The following WWOX variants were observed in gnomAD, a reference collection of about 807,000 sequenced individuals.
The protein encoded by WWOX is WW domain-containing oxidoreductase.
In WWOX, 69 loss-of-function variants were observed where a neutral mutation model predicts 46.2. The ratio of observed to expected loss-of-function variants is 1.49; its 90% CI spans 1.23 to 1.82. The LOEUF (loss-of-function observed/expected upper bound fraction) is 1.82, where lower values mean the gene tolerates loss of function less well. Ranked by LOEUF, WWOX falls within the 40% of genes most tolerant of loss-of-function variation. The pLI, the probability that WWOX is intolerant of heterozygous loss-of-function variation, is 0.00. For synonymous variants in WWOX, 359 were observed against 202.6 expected (o/e 1.77, Z -6.56); for missense variants, 919 against 542.6 (o/e 1.69, Z -6.89).
intron 8 of WWOX, among the ~76,000 whole-genome samples, chr16:79,139,031 T>G (rs897235008): frequency 6.6e-6 from 1 of 152,122 alleles, no homozygotes; most frequent in Non-Finnish European, 1.5e-5. Context: ...TTACAGAAAC[T>G]GCCCTGAACG....
intron 5 of WWOX, among the ~76,000 whole-genome samples, chr16:78,324,762 GTGA>G (rs1434498156): frequency 2.1e-5 from 3 of 140,476 alleles, no homozygotes; most frequent in Non-Finnish European, 4.6e-5. Flanking sequence ...AAATAGATGA[GTGA>G]TGACTCAGGG....
chr16:78,144,462 T>TATATATAC (rs1555543063), intron 4 of WWOX, among the ~76,000 whole-genome samples: 5 of 23,624 alleles, frequency 2.1e-4, no homozygotes, highest in Non-Finnish European at 1.5e-4. Context: ...TATATATATA[T>TATATATAC]ACACACATAT....
intron 8 of WWOX, among the ~76,000 whole-genome samples, chr16:79,152,401 G>A (rs1033029462): frequency 7.2e-5 from 11 of 152,138 alleles, no homozygotes; most frequent in African/African-American, 2.4e-4. Context: ...GCCGGGCGCA[G>A]TGTCTCATGC....
chr16:78,969,454 A>G (rs1332843670), intron 8 of WWOX, among the ~76,000 whole-genome samples: 1 of 152,004 alleles, frequency 6.6e-6, no homozygotes, highest in Non-Finnish European at 1.5e-5. Flanking sequence ...TATTTCTAGT[A>G]CAGACAGGGT....
At chr16:78,409,099 C>T (rs1336116198) in intron 6 of WWOX, among the ~76,000 whole-genome samples, 2 of 152,118 alleles carry the variant, frequency 1.3e-5, no homozygotes, top group Non-Finnish European at 2.9e-5. Flanking sequence ...TTGCTAAAGT[C>T]CCACTGGGTG....
chr16:78,774,496 T>TTGTGTGTGTGTGTG (rs58003207), intron 8 of WWOX, among the ~76,000 whole-genome samples: 1 of 149,522 alleles, frequency 6.7e-6, no homozygotes, highest in African/African-American at 2.5e-5. Flanking sequence ...CAGACCCATT[T>TTGTGTGTGTGTGTG]TGTGTGTGTG....
intron 5 of WWOX, among the ~76,000 whole-genome samples, chr16:78,184,627 C>T (rs1356303870): frequency 6.6e-6 from 1 of 151,894 alleles, no homozygotes; most frequent in Non-Finnish European, 1.5e-5. Flanking sequence ...TGAGAGAAGG[C>T]AAAGACAAAT....
intron 8 of WWOX, chr16:78,899,485 C>G (rs1339985507): frequency 1.3e-5 from 2 of 152,120 alleles, no homozygotes; most frequent in Non-Finnish European, 1.5e-5. Flanking sequence ...ATGACTGATA[C>G]ACAGTGAGTT....
chr16:79,024,460 G>C (rs1423557237), intron 8 of WWOX, among the ~76,000 whole-genome samples: 3 of 151,974 alleles, frequency 2.0e-5, no homozygotes, highest in African/African-American at 7.3e-5. Context: ...TTGAGACGGA[G>C]TTTTGCTCTG....
chr16:78,173,750 G>A (rs1325440669), intron 5 of WWOX, among the ~76,000 whole-genome samples: 1 of 152,114 alleles, frequency 6.6e-6, no homozygotes, highest in Non-Finnish European at 1.5e-5. Flanking sequence ...AATCTTGTTG[G>A]AGCAATATTT....
intron 8 of WWOX, among the ~76,000 whole-genome samples, chr16:78,722,019 A>T (rs1048755759): frequency 6.6e-6 from 1 of 152,132 alleles, no homozygotes; most frequent in African/African-American, 2.4e-5. Flanking sequence ...TTTTTTCTAG[A>T]AGGTGGTATT....
chr16:78,655,748 T>C (rs2047066256), intron 8 of WWOX, among the ~76,000 whole-genome samples: 1 of 152,324 alleles, frequency 6.6e-6, no homozygotes, highest in South Asian at 2.1e-4. Context: ...TTTTCTGATA[T>C]GTTCTTCTGT....
intron 5 of WWOX, among the ~76,000 whole-genome samples, chr16:78,170,773 A>G (rs892545192): frequency 6.6e-6 from 1 of 152,242 alleles, no homozygotes; most frequent in African/African-American, 2.4e-5. Context: ...TGATTAAGGG[A>G]TTAGTCATCA....
chr16:78,169,804 G>C (rs1052879078), intron 5 of WWOX, among the ~76,000 whole-genome samples: 1 of 152,196 alleles, frequency 6.6e-6, no homozygotes, highest in Non-Finnish European at 1.5e-5. Context: ...AGGGGCGGTG[G>C]ATTGAGAGAG....
At chr16:78,745,522 CTTTTTTTTTTTT>C (rs5818168) in intron 8 of WWOX, among the ~76,000 whole-genome samples, 113 of 92,748 alleles carry the variant, frequency 1.2e-3, no homozygotes, top group Middle Eastern at 8.8e-3. Context: ...TGTGGAAATC[CTTTTTTTTTTTT>C]TTTTTTTTTT....
At chr16:78,637,378 T>C (rs531030681) in intron 8 of WWOX, among the ~76,000 whole-genome samples, 1 of 151,928 alleles carries the variant, frequency 6.6e-6, no homozygotes, top group African/African-American at 2.4e-5. Context: ...GAGGCAGAGG[T>C]TGCAGTGAGC....
chr16:78,366,055 C>A (rs1322524266), intron 5 of WWOX, among the ~76,000 whole-genome samples: 1 of 152,028 alleles, frequency 6.6e-6, no homozygotes, highest in Non-Finnish European at 1.5e-5. Flanking sequence ...ATCTTTCGGC[C>A]CATTGGAAAA....
chr16:78,717,318 C>A (rs939575054), intron 8 of WWOX, among the ~76,000 whole-genome samples: 4 of 152,170 alleles, frequency 2.6e-5, no homozygotes, highest in Admixed American at 2.6e-4. Context: ...ATAATAATTA[C>A]AATAAGTGCA....
intron 8 of WWOX, among the ~76,000 whole-genome samples, chr16:78,769,033 T>G (rs558146297): frequency 6.6e-6 from 1 of 152,312 alleles, no homozygotes. Flanking sequence ...TTGTTGTTAT[T>G]TTTCTTCAAG....
Sources: gnomAD v4.1 joint callset for allele counts (sites outside exome capture counted in the v4.1 genomes callset) on GRCh38, gnomAD v4.1.1 for gene constraint, MANE v1.5 for transcripts, NCBI Gene and HGNC (gene_info 2026-07-23, HGNC 2026-07-21) for gene names.